Variants in REDIC1 observed in about 807,000 individuals in gnomAD.
REDIC1 encodes the protein regulator of DNA class I crossover intermediates 1.
chr12:39,860,098 G>T, the REDIC1 span, among the ~76,000 whole-genome samples: 3 of 152,160 alleles, frequency 2.0e-5, no homozygotes, highest in Non-Finnish European at 4.4e-5. Flanking sequence ...AACTCCTAAA[G>T]AACTGTGTTA....
the REDIC1 span, among the ~76,000 whole-genome samples, chr12:39,896,645 A>T: frequency 4.6e-5 from 7 of 151,716 alleles, no homozygotes; most frequent in African/African-American, 1.2e-4. Context: ...CTTCTGGAAG[A>T]AAACAACACT....
the REDIC1 span, chr12:39,692,270 T>G: frequency 1.6e-6 from 1 of 639,364 alleles, no homozygotes; most frequent in East Asian, 4.0e-5. Flanking sequence ...AAAATTACTT[T>G]TATATTTTAT....
the REDIC1 span, among the ~76,000 whole-genome samples, chr12:39,857,136 C>A: frequency 6.6e-6 from 1 of 152,136 alleles, no homozygotes; most frequent in African/African-American, 2.4e-5. Flanking sequence ...ATGTTTTTCC[C>A]CCTTTATCTT....
At chr12:39,806,285 A>C in the REDIC1 span, among the ~76,000 whole-genome samples, 1 of 152,228 alleles carries the variant, frequency 6.6e-6, no homozygotes, top group Non-Finnish European at 1.5e-5. Flanking sequence ...GGAATGAAGG[A>C]TATGTCAGAA....
chr12:39,784,014 AC>A, the REDIC1 span, among the ~76,000 whole-genome samples: 3 of 152,236 alleles, frequency 2.0e-5, no homozygotes, highest in Non-Finnish European at 4.4e-5. Context: ...AATCCAGCTT[AC>A]AAGGGATGTG....
At chr12:39,724,906 T>C in the REDIC1 span, among the ~76,000 whole-genome samples, 1 of 152,026 alleles carries the variant, frequency 6.6e-6, no homozygotes, top group Admixed American at 6.6e-5. Context: ...TTAATTGAAG[T>C]ATCAACAGTA....
At chr12:39,765,779 A>T in the REDIC1 span, among the ~76,000 whole-genome samples, 1 of 152,194 alleles carries the variant, frequency 6.6e-6, no homozygotes, top group South Asian at 2.1e-4. Context: ...CAGGTTTGTT[A>T]CATAGGTAAA....
At chr12:39,885,006 A>T in the REDIC1 span, among the ~76,000 whole-genome samples, 4 of 152,230 alleles carry the variant, frequency 2.6e-5, no homozygotes, top group Non-Finnish European at 5.9e-5. Flanking sequence ...AGTGGCAGAG[A>T]CAGGTATTAT....
chr12:39,874,484 G>A, the REDIC1 span, among the ~76,000 whole-genome samples: 3 of 151,826 alleles, frequency 2.0e-5, no homozygotes, highest in Admixed American at 1.3e-4. Flanking sequence ...GCATGGTAGC[G>A]GGCACCTGTA....
the REDIC1 span, among the ~76,000 whole-genome samples, chr12:39,802,971 T>C: frequency 1.3e-5 from 2 of 152,208 alleles, no homozygotes; most frequent in South Asian, 4.2e-4. Context: ...GATAATGACA[T>C]TGGAAAAGAG....
the REDIC1 span, among the ~76,000 whole-genome samples, chr12:39,710,674 T>C: frequency 6.6e-6 from 1 of 151,752 alleles, no homozygotes; most frequent in Non-Finnish European, 1.5e-5. Flanking sequence ...CTCTATAAAT[T>C]ATCACCAAAC....
At chr12:39,886,121 A>C in the REDIC1 span, among the ~76,000 whole-genome samples, 9 of 152,354 alleles carry the variant, frequency 5.9e-5, no homozygotes, top group African/African-American at 1.7e-4. Flanking sequence ...TGACAGAGAT[A>C]AATTTTATTG....
chr12:39,781,043 A>G, the REDIC1 span, among the ~76,000 whole-genome samples: 2 of 152,368 alleles, frequency 1.3e-5, no homozygotes, highest in African/African-American at 4.8e-5. Flanking sequence ...AGTTACTGCT[A>G]AAGTGAAAAC....
the REDIC1 span, among the ~76,000 whole-genome samples, chr12:39,852,881 G>T: frequency 6.6e-6 from 1 of 152,188 alleles, no homozygotes; most frequent in Non-Finnish European, 1.5e-5. Flanking sequence ...TAGACTGGTT[G>T]TGGGCCACTC....
the REDIC1 span, among the ~76,000 whole-genome samples, chr12:39,738,477 CTAAG>C: frequency 2.0e-5 from 3 of 152,052 alleles, no homozygotes; most frequent in Non-Finnish European, 2.9e-5. Context: ...ACCCGGTTGC[CTAAG>C]TAAGTGGAGT....
At chr12:39,689,617 G>C in the REDIC1 span, among the ~76,000 whole-genome samples, 1 of 152,110 alleles carries the variant, frequency 6.6e-6, no homozygotes, top group African/African-American at 2.4e-5. Flanking sequence ...AAATTCCTGA[G>C]AAGGCACATT....
At chr12:39,783,692 C>G in the REDIC1 span, among the ~76,000 whole-genome samples, 261 of 152,174 alleles carry the variant, frequency 1.7e-3, 2 homozygotes, top group Middle Eastern at 6.8e-3. Context: ...CTGTTCATAT[C>G]CTTTGCCCAC....
the REDIC1 span, among the ~76,000 whole-genome samples, chr12:39,878,545 T>A: frequency 2.8e-4 from 42 of 152,288 alleles, no homozygotes; most frequent in Non-Finnish European, 4.3e-4. Flanking sequence ...AGCTTGAGCT[T>A]GAGATTGATT....
the REDIC1 span, among the ~76,000 whole-genome samples, chr12:39,796,805 G>C: frequency 6.6e-6 from 1 of 152,142 alleles, no homozygotes; most frequent in Non-Finnish European, 1.5e-5. Context: ...TCTCCTGCTA[G>C]ATGGTTTTGT....
Sources: gnomAD v4.1 joint callset for allele counts (sites outside exome capture counted in the v4.1 genomes callset) on GRCh38, gnomAD v4.1.1 for gene constraint, MANE v1.5 for transcripts, NCBI Gene and HGNC (gene_info 2026-07-23, HGNC 2026-07-21) for gene names.